The following NBAS variants were observed in gnomAD, a reference collection of about 807,000 sequenced individuals.
NBAS encodes the protein NAG/BC035112 fusion.
A neutral mutation model predicts 302.5 loss-of-function variants in NBAS; 219 were observed. The observed-to-expected ratio is 0.72, with a 90% CI of 0.65 to 0.81. The LOEUF is 0.81. Among genes scored for constraint, NBAS ranks in the 30% least tolerant of loss-of-function variants. The pLI is 0.00. For missense variants in NBAS, 2,932 were observed against 2,841.6 expected, an observed-to-expected ratio of 1.03 and a Z score of -0.72; for synonymous variants, 1,118 against 1,021.6, an observed-to-expected ratio of 1.09 and a Z score of -1.80.
In NBAS at chr2:15,540,024, A is replaced by G. The variant is rs189889356; in HGVS notation, c.380-668T>C. Among the ~76,000 whole-genome samples, 74 of 152,320 alleles carry G rather than the reference A, an allele frequency of 4.9e-4. No homozygotes were observed. In the Middle Eastern group the frequency reaches 0.01, roughly 21 times the overall value. On this transcript the variant is annotated intron_variant, in intron 6 of 51. Transcript: ENST00000281513. ...TTTTCTGTTCTGAATTTTCAGTAAAATAGAGAGAAAGGCTATCAGCTGCAA... is the reference window on the plus strand; with the variant it reads ...TTTTCTGTTCTGAATTTTCAGTAAAGTAGAGAGAAAGGCTATCAGCTGCAA...
intron 47 of NBAS, among the ~76,000 whole-genome samples, chr2:15,229,347 C>CAAAAAAAAAAAAAAAAAAAAAA (rs61152926): frequency 1.3e-5 from 1 of 76,870 alleles, no homozygotes; most frequent in African/African-American, 4.4e-5. Context: ...TCTCAAAAAA[C>CAAAAAAAAAAAAAAAAAAAAAA]AAAAAAAAAA....
intron 21 of NBAS, among the ~76,000 whole-genome samples, chr2:15,428,247 T>C (rs1469249059): frequency 6.6e-6 from 1 of 152,232 alleles, no homozygotes; most frequent in African/African-American, 2.4e-5. Context: ...GCTCACTGGT[T>C]ATAAGCACTT....
chr2:15,120,088 C>G, the NBAS span, among the ~76,000 whole-genome samples: 2 of 152,138 alleles, frequency 1.3e-5, no homozygotes, highest in Non-Finnish European at 2.9e-5. Context: ...CCTGGCAGCA[C>G]AAGTTGAGCC....
chr2:15,346,324 C>A (rs1008340315), intron 35 of NBAS, among the ~76,000 whole-genome samples: 2 of 151,854 alleles, frequency 1.3e-5, no homozygotes, highest in East Asian at 1.9e-4. Context: ...AAAAACAACC[C>A]CATCAAAAAG....
intron 28 of NBAS, among the ~76,000 whole-genome samples, chr2:15,392,860 C>T (rs1304763883): frequency 6.6e-6 from 1 of 151,802 alleles, no homozygotes; most frequent in Non-Finnish European, 1.5e-5. Context: ...TACCTAATTT[C>T]AATATTTAAT....
At chr2:15,103,917 T>C in the NBAS span, among the ~76,000 whole-genome samples, 4 of 152,210 alleles carry the variant, frequency 2.6e-5, no homozygotes, top group African/African-American at 7.2e-5. Flanking sequence ...ATCTTATTTT[T>C]CTTTCATGCT....
At chr2:14,975,823 G>A in the NBAS span, among the ~76,000 whole-genome samples, 1 of 145,072 alleles carries the variant, frequency 6.9e-6, no homozygotes, top group Admixed American at 6.8e-5. Flanking sequence ...CATCATGACT[G>A]GTAGAAAAAA....
intron 25 of NBAS, among the ~76,000 whole-genome samples, chr2:15,407,269 G>C (rs1218604435): frequency 6.6e-6 from 1 of 152,142 alleles, no homozygotes; most frequent in East Asian, 1.9e-4. Flanking sequence ...GAGGACCATA[G>C]ACCAAGAGAA....
At chr2:15,499,130 T>C (rs1681185439) in intron 11 of NBAS, among the ~76,000 whole-genome samples, 1 of 152,118 alleles carries the variant, frequency 6.6e-6, no homozygotes, top group South Asian at 2.1e-4. Flanking sequence ...GGTTTCACCA[T>C]GTTAGCTGGG....
At chr2:15,322,733 A>C (rs1671869520) in intron 38 of NBAS, among the ~76,000 whole-genome samples, 1 of 152,166 alleles carries the variant, frequency 6.6e-6, no homozygotes, top group Non-Finnish European at 1.5e-5. Context: ...TTTTTACCAC[A>C]ATTTTTAATC....
the NBAS span, among the ~76,000 whole-genome samples, chr2:14,983,211 C>G: frequency 6.6e-6 from 1 of 152,166 alleles, no homozygotes; most frequent in Non-Finnish European, 1.5e-5. Flanking sequence ...TAGAACTGTG[C>G]CTGACACATG....
the NBAS span, among the ~76,000 whole-genome samples, chr2:14,884,288 C>T: frequency 1.4e-4 from 22 of 152,254 alleles, no homozygotes; most frequent in African/African-American, 4.8e-4. Flanking sequence ...CTCCAGAAAC[C>T]GGCACCAGCA....
At chr2:15,273,941 G>C (rs1316602151) in intron 44 of NBAS, among the ~76,000 whole-genome samples, 4 of 151,836 alleles carry the variant, frequency 2.6e-5, no homozygotes, top group Non-Finnish European at 5.9e-5. Context: ...AATTAGCCAG[G>C]CATGGTGGCG....
the NBAS span, among the ~76,000 whole-genome samples, chr2:14,986,995 T>C: frequency 1.3e-5 from 2 of 152,144 alleles, no homozygotes; most frequent in Non-Finnish European, 2.9e-5. Flanking sequence ...GTTTATCTCC[T>C]TGATTCCTAG....
At chr2:15,263,526 T>C (rs1668943083) in intron 44 of NBAS, among the ~76,000 whole-genome samples, 1 of 152,204 alleles carries the variant, frequency 6.6e-6, no homozygotes, top group African/African-American at 2.4e-5. Context: ...CCCAGGCCCC[T>C]TCCTATCTTT....
At chr2:14,996,589 T>G in the NBAS span, among the ~76,000 whole-genome samples, 26 of 152,336 alleles carry the variant, frequency 1.7e-4, no homozygotes, top group East Asian at 4.8e-3. Context: ...TCGGAAGATA[T>G]TGTTGTCTCT....
At chr2:15,533,118 C>T (rs754732729) in intron 9 of NBAS, among the ~76,000 whole-genome samples, 1 of 152,102 alleles carries the variant, frequency 6.6e-6, no homozygotes, top group African/African-American at 2.4e-5. Context: ...CTCACACCAT[C>T]GAGAGCACTA....
At chr2:15,113,313 A>C in the NBAS span, among the ~76,000 whole-genome samples, 1 of 81,880 alleles carries the variant, frequency 1.2e-5, no homozygotes, top group Non-Finnish European at 2.9e-5. Context: ...AGGTATTGGT[A>C]TGAACTCGTG....
At chr2:15,094,526 G>A in the NBAS span, among the ~76,000 whole-genome samples, 6 of 152,212 alleles carry the variant, frequency 3.9e-5, no homozygotes, top group African/African-American at 1.4e-4. Flanking sequence ...ATAACTCCGG[G>A]ATTAAGCCTG....
Sources: gnomAD v4.1 joint callset for allele counts (sites outside exome capture counted in the v4.1 genomes callset) on GRCh38, gnomAD v4.1.1 for gene constraint, MANE v1.5 for transcripts, NCBI Gene and HGNC (gene_info 2026-07-23, HGNC 2026-07-21) for gene names.